The following ATP9B variants were observed in gnomAD, a reference collection of about 807,000 sequenced individuals.
ATP9B encodes probable phospholipid-transporting ATPase IIB.
Under a neutral mutation model 146.1 loss-of-function variants are expected in ATP9B, and 110 were observed. That is an observed-to-expected ratio of 0.75 (90% CI 0.65 to 0.88). The LOEUF (loss-of-function observed/expected upper bound fraction) is 0.88, where lower values mean the gene tolerates loss of function less well. ATP9B is among the 40% of genes least tolerant of loss of function. ATP9B has a pLI of 0.00. For synonymous variants in ATP9B, 604 were observed against 569.7 expected (o/e 1.06, Z -0.86); for missense variants, 1,499 against 1,496.4 (o/e 1.00, Z -0.03).
intron 23 of ATP9B, among the ~76,000 whole-genome samples, chr18:79,346,089 C>T (rs1465264028): frequency 6.8e-6 from 1 of 147,006 alleles, no homozygotes; most frequent in Non-Finnish European, 1.5e-5. Flanking sequence ...CAGCGCACAG[C>T]ACACACTCGG....
intron 19 of ATP9B, among the ~76,000 whole-genome samples, chr18:79,338,079 G>T (rs1361532539): frequency 1.3e-5 from 2 of 152,232 alleles, no homozygotes; most frequent in Non-Finnish European, 2.9e-5. Flanking sequence ...GCCACATTTG[G>T]AATCATCTCA....
At chr18:79,331,238 C>T (rs575299300) in intron 17 of ATP9B, among the ~76,000 whole-genome samples, 15 of 152,252 alleles carry the variant, frequency 9.9e-5, no homozygotes, top group Admixed American at 2.0e-4. Flanking sequence ...CCTCCACACC[C>T]CAGTGTTCGC....
At chr18:79,285,553 C>A (rs2145953951) in intron 13 of ATP9B, among the ~76,000 whole-genome samples, 1 of 152,050 alleles carries the variant, frequency 6.6e-6, no homozygotes, top group African/African-American at 2.4e-5. Context: ...AAAATTTTCT[C>A]CCATTTTGTA....
At chr18:79,339,776 C>G (rs772272689) in intron 19 of ATP9B, among the ~76,000 whole-genome samples, 24 of 151,254 alleles carry the variant, frequency 1.6e-4, no homozygotes, top group Non-Finnish European at 2.8e-4. Context: ...CATCTGAGAT[C>G]GCAGTAGGAA....
intron 8 of ATP9B, among the ~76,000 whole-genome samples, chr18:79,190,355 A>G (rs976317058): frequency 4.6e-5 from 7 of 152,198 alleles, no homozygotes; most frequent in Admixed American, 3.3e-4. Context: ...CAAATTATCA[A>G]CAAATCTCCA....
intron 25 of ATP9B, among the ~76,000 whole-genome samples, chr18:79,348,845 G>T (rs568215589): frequency 6.6e-6 from 1 of 152,330 alleles, no homozygotes; most frequent in South Asian, 2.1e-4. Flanking sequence ...TTAGCCAGGC[G>T]TGGTGGTGTG....
chr18:79,107,775 A>G (rs530633924), intron 2 of ATP9B, among the ~76,000 whole-genome samples: 2 of 152,264 alleles, frequency 1.3e-5, no homozygotes, highest in Non-Finnish European at 2.9e-5. Context: ...GCGGTGCATG[A>G]ACTTGAGCAA....
In ATP9B at chr18:79,344,372, G is replaced by GT; in HGVS notation, c.2472+19dup. 6.2e-7 allele frequency: 1 copy of GT among 1,606,278 alleles called. No homozygotes were observed. Among genetic ancestry groups the GT allele is most frequent in the Non-Finnish European group, 8.5e-7 (1 of 1,173,884 alleles). ...CTCTGGAGGTAAGGCTGGACCCTGA[G>GT]TGAGTACATGTCTGTCTGTGTCTCT... On this transcript the variant is annotated intron_variant, in intron 21 of 29. Transcript: ENST00000426216.
chr18:79,294,857 T>C (rs2096536151), intron 13 of ATP9B, among the ~76,000 whole-genome samples: 1 of 152,202 alleles, frequency 6.6e-6, no homozygotes, highest in African/African-American at 2.4e-5. Context: ...CTGCCCTAGG[T>C]CCATGTTGCC....
At chr18:79,345,281 C>T (rs1160624167) in intron 21 of ATP9B, 147 bp from the exon 22 acceptor site, 4 of 947,756 alleles carry the variant, frequency 4.2e-6, no homozygotes, top group Non-Finnish European at 6.4e-6. Context: ...TCCGTGAGTC[C>T]TGTGAAATGA....
At chr18:79,345,733 A>G in intron 22 of ATP9B, 42 bp from the exon 23 acceptor site, 1 of 1,611,350 alleles carries the variant, frequency 6.2e-7, no homozygotes, top group Non-Finnish European at 8.5e-7. Context: ...AAACGTGATG[A>G]TGGATAAGGT....
chr18:79,327,554 A>AACGT (rs1568697317), intron 15 of ATP9B, among the ~76,000 whole-genome samples: 1 of 128,770 alleles, frequency 7.8e-6, no homozygotes, highest in African/African-American at 3.0e-5. Context: ...CTCCGTGGTT[A>AACGT]GCGTGCTCTC....
intron 13 of ATP9B, among the ~76,000 whole-genome samples, chr18:79,291,020 G>A (rs769642665): frequency 1.3e-5 from 2 of 152,172 alleles, no homozygotes; most frequent in Non-Finnish European, 2.9e-5. Context: ...CTGTGTCTCA[G>A]AAACTGTCTA....
intron 7 of ATP9B, among the ~76,000 whole-genome samples, chr18:79,159,686 C>G (rs572428570): frequency 1.3e-5 from 2 of 152,320 alleles, no homozygotes. Context: ...AGACCACCCC[C>G]AACCCCCAGT....
At chr18:79,248,298 A>T (rs995464049) in intron 11 of ATP9B, among the ~76,000 whole-genome samples, 1 of 132,666 alleles carries the variant, frequency 7.5e-6, no homozygotes. Flanking sequence ...TCTAAAATTT[A>T]GTACTTAGAT....
chr18:79,254,587 C>T (rs1385690925), intron 12 of ATP9B: 1 of 152,364 alleles, frequency 6.6e-6, no homozygotes, highest in Non-Finnish European at 1.5e-5. Flanking sequence ...CAAATAGCAA[C>T]TTCTCATTGC....
chr18:79,319,731 C>T (rs140590186), intron 15 of ATP9B, among the ~76,000 whole-genome samples: 1 of 152,254 alleles, frequency 6.6e-6, no homozygotes, highest in East Asian at 1.9e-4. Context: ...GTTTCTAGTT[C>T]CTCGGGATTA....
At chr18:79,333,622 A>G (rs991948102) in intron 17 of ATP9B, among the ~76,000 whole-genome samples, 4 of 152,200 alleles carry the variant, frequency 2.6e-5, no homozygotes, top group South Asian at 2.1e-4. Flanking sequence ...AATAGCCTCT[A>G]AAAGACCTCT....
chr18:79,138,584 C>T (rs527728255), intron 5 of ATP9B, among the ~76,000 whole-genome samples: 1 of 152,246 alleles, frequency 6.6e-6, no homozygotes, highest in East Asian at 1.9e-4. Flanking sequence ...TCTTAGAGAT[C>T]TAAGTTTTGT....
Sources: gnomAD v4.1 joint callset for allele counts (sites outside exome capture counted in the v4.1 genomes callset) on GRCh38, gnomAD v4.1.1 for gene constraint, MANE v1.5 for transcripts, NCBI Gene and HGNC (gene_info 2026-07-23, HGNC 2026-07-21) for gene names.